The following SNTB1 variants were observed in gnomAD, a reference collection of about 807,000 sequenced individuals.
SNTB1 encodes beta-1-syntrophin.
Under a neutral mutation model 48.9 loss-of-function variants are expected in SNTB1, and 36 were observed. That is an observed-to-expected ratio of 0.74 (90% CI 0.56 to 0.97). The LOEUF (loss-of-function observed/expected upper bound fraction) is 0.97. Ranked by LOEUF, SNTB1 falls within the 50% of genes least tolerant of loss-of-function variation. The pLI is 0.00. For missense variants in SNTB1, 786 were observed against 703.4 expected (o/e 1.12, Z -1.33); for synonymous variants, 299 against 294.6 (o/e 1.01, Z -0.15).
chr8:120,580,755 A>G (rs1048805348), intron 3 of SNTB1, among the ~76,000 whole-genome samples: 1 of 152,220 alleles, frequency 6.6e-6, no homozygotes, highest in Non-Finnish European at 1.5e-5. Flanking sequence ...CTTTACAAAC[A>G]TTAGATAATT....
At chr8:120,692,520 G>C (rs1374816508) in intron 2 of SNTB1, among the ~76,000 whole-genome samples, 2 of 151,954 alleles carry the variant, frequency 1.3e-5, no homozygotes, top group Non-Finnish European at 2.9e-5. Context: ...CTCTTCTACT[G>C]AACTAAAGTA....
At chr8:120,796,523 G>C (rs1007080078) in intron 1 of SNTB1, among the ~76,000 whole-genome samples, 1 of 152,008 alleles carries the variant, frequency 6.6e-6, no homozygotes, top group Non-Finnish European at 1.5e-5. Flanking sequence ...CAGGTCTGGA[G>C]TTAAAAACTG....
intron 1 of SNTB1, among the ~76,000 whole-genome samples, chr8:120,805,045 A>G (rs1820308981): frequency 6.6e-6 from 1 of 152,242 alleles, no homozygotes; most frequent in South Asian, 2.1e-4. Context: ...AGTATAGTAC[A>G]TAAAAGACAC....
chr8:120,664,155 A>T (rs1050940293), intron 2 of SNTB1, among the ~76,000 whole-genome samples: 2 of 152,314 alleles, frequency 1.3e-5, no homozygotes, highest in East Asian at 3.9e-4. Context: ...AAGCCATGAT[A>T]TGTGTAAGGA....
At chr8:120,573,726 T>C (rs1815895410) in intron 4 of SNTB1, among the ~76,000 whole-genome samples, 1 of 152,174 alleles carries the variant, frequency 6.6e-6, no homozygotes, top group African/African-American at 2.4e-5. Context: ...TGGTGTAAAA[T>C]AGGGTTCATT....
chr8:120,701,248 C>T (rs1482139199), intron 1 of SNTB1, among the ~76,000 whole-genome samples: 2 of 152,136 alleles, frequency 1.3e-5, no homozygotes, highest in Admixed American at 6.5e-5. Flanking sequence ...GCTAATGTCT[C>T]GAGAGGCTGA....
chr8:120,551,653 G>T (rs1815482057), intron 4 of SNTB1, among the ~76,000 whole-genome samples: 1 of 149,848 alleles, frequency 6.7e-6, no homozygotes, highest in South Asian at 2.1e-4. Flanking sequence ...TTGAACCCGG[G>T]AGGCAGAGGT....
chr8:120,672,439 T>C (rs1817774423), intron 2 of SNTB1, among the ~76,000 whole-genome samples: 1 of 152,212 alleles, frequency 6.6e-6, no homozygotes, highest in African/African-American at 2.4e-5. Flanking sequence ...AACATTATGG[T>C]CCCATTCCAA....
intron 1 of SNTB1, among the ~76,000 whole-genome samples, chr8:120,752,530 T>C (rs1472646157): frequency 6.6e-6 from 1 of 151,972 alleles, no homozygotes; most frequent in Admixed American, 6.6e-5. Context: ...AACAAAGAAA[T>C]GAAATCAACC....
In SNTB1 at chr8:120,542,702, C is replaced by T. The variant is rs546394388; in HGVS notation, c.1334-702G>A. Among the ~76,000 whole-genome samples the T allele has an allele frequency of 2.3e-5, 3 of 129,748 alleles. No homozygotes were observed. The East Asian group carries it at 6.4e-4, about 28-fold the overall frequency. 85.1% of individuals were successfully genotyped at this position (129,748 alleles called of 152,430 possible). ...ATAAAGCCACCTTTGAATCACCAAC[C>T]TTATCATCCACACACACACACACAC... On this transcript the variant is annotated intron_variant, in intron 5 of 6. Transcript: ENST00000517992.
chr8:120,805,658 T>A lies in SNTB1; in HGVS notation c.571+5615A>T, dbSNP rs567619047. On this transcript the variant is annotated intron_variant, in intron 1 of 6. Transcript: ENST00000517992. The stretch of plus-strand genomic sequence containing the variant: ...GTGTCAGACTTCGGACTTTAAAAAC[T>A]GTAATAAATGTGTGTTGTTTTAATT... Among the ~76,000 whole-genome samples the A allele has an allele frequency of 2.6e-5, 4 of 152,352 alleles. No homozygotes were observed. In the East Asian group the frequency reaches 7.7e-4, roughly 29 times the overall value.
At chr8:120,596,964 T>A (rs1277199123) in intron 3 of SNTB1, among the ~76,000 whole-genome samples, 2 of 152,182 alleles carry the variant, frequency 1.3e-5, no homozygotes, top group African/African-American at 4.8e-5. Context: ...CCCCCACAAA[T>A]GATGTTCATG....
At chr8:120,648,331 TTCCTTCAGGAGC>T in intron 2 of SNTB1, among the ~76,000 whole-genome samples, 1 of 152,020 alleles carries the variant, frequency 6.6e-6, no homozygotes, top group South Asian at 2.1e-4. Flanking sequence ...TGTTTAGTGC[TTCCTTCAGGAGC>T]TCTTGTAAGG....
At chr8:120,637,307 G>T in intron 2 of SNTB1, 1 of 319,586 alleles carries the variant, frequency 3.1e-6, no homozygotes, top group Non-Finnish European at 6.3e-6. Context: ...TCCTCCTGTG[G>T]CTCCTGTCCT....
At chr8:120,654,935 A>C (rs1817473918) in intron 2 of SNTB1, 1 of 455,756 alleles carries the variant, frequency 2.2e-6, no homozygotes, top group Non-Finnish European at 4.4e-6. Context: ...AGGAGGATGA[A>C]GTCTTGCTGG....
intron 4 of SNTB1, among the ~76,000 whole-genome samples, chr8:120,573,733 C>G (rs550498986): frequency 2.6e-5 from 4 of 152,168 alleles, no homozygotes; most frequent in African/African-American, 9.6e-5. Flanking sequence ...AAATAGGGTT[C>G]ATTGTTTTGC....
At chr8:120,611,492 C>A (rs762877133) in intron 3 of SNTB1, among the ~76,000 whole-genome samples, 3 of 152,000 alleles carry the variant, frequency 2.0e-5, no homozygotes, top group African/African-American at 7.3e-5. Context: ...ACCTCTGAGA[C>A]GAGAGATAAT....
In SNTB1 at chr8:120,572,860, C is replaced by A. The variant is rs11775515; in HGVS notation, c.1136+2226G>T. Among the ~76,000 whole-genome samples the A allele has an allele frequency of 3.5e-4, 53 of 152,224 alleles. 1 individual carries two copies. The highest frequency in any genetic ancestry group is 9.4e-4 in the African/African-American group (39 of 41,512). On this transcript the variant is annotated intron_variant, in intron 4 of 6. Coordinates refer to ENST00000517992, the MANE Select transcript of SNTB1 (RefSeq NM_021021.4). ...AACCCGGGAGGCAGAGGTTGCAGTG[C>A]GCCAAGATAGCACCATTGCACTCCA...
At chr8:120,771,089 A>G (rs1819619124) in intron 1 of SNTB1, among the ~76,000 whole-genome samples, 1 of 152,170 alleles carries the variant, frequency 6.6e-6, no homozygotes, top group African/African-American at 2.4e-5. Flanking sequence ...GAGATCAAAG[A>G]GACTTTAGAG....
Sources: gnomAD v4.1 joint callset for allele counts (sites outside exome capture counted in the v4.1 genomes callset) on GRCh38, gnomAD v4.1.1 for gene constraint, MANE v1.5 for transcripts, NCBI Gene and HGNC (gene_info 2026-07-23, HGNC 2026-07-21) for gene names.